The following RPL35 variants were observed in gnomAD, a reference collection of about 807,000 sequenced individuals.
RPL35 encodes the protein large ribosomal subunit protein uL29.
RPL35 carries 2 observed loss-of-function variants against 15.6 expected under a neutral mutation model. The observed-to-expected ratio is 0.13, with a 90% CI of 0.05 to 0.40. The LOEUF is 0.40. Among genes scored for constraint, RPL35 ranks in the 10% least tolerant of loss-of-function variants. The probability of loss-of-function intolerance (pLI) is 0.99; values close to 1 mark genes in which losing one functional copy is unlikely to be tolerated. For synonymous variants in RPL35, 93 were observed against 67.9 expected (o/e 1.37, Z -1.82); for missense variants, 111 against 164.7 (o/e 0.67, Z 1.79).
chr9:124,860,126 G>A (rs1189763955), intron 3 of RPL35, 57 bp downstream of exon 3: 1 of 1,298,062 alleles, frequency 7.7e-7, no homozygotes, highest in Non-Finnish European at 1.1e-6. Flanking sequence ...CCCCGGCCAG[G>A]GACGGCTAGC....
chr9:124,861,778 G>A, intron 1 of RPL35, 132 bp downstream of exon 1: 7 of 1,374,602 alleles, frequency 5.1e-6, no homozygotes, highest in Non-Finnish European at 6.8e-6. Flanking sequence ...GGGTTGTGGT[G>A]GCGCCAGACC....
chr9:124,860,056 A>T (rs1829172257), intron 3 of RPL35, 127 bp downstream of exon 3: 1 of 712,138 alleles, frequency 1.4e-6, no homozygotes, highest in Non-Finnish European at 2.5e-6. Flanking sequence ...GAGCCCAGCA[A>T]CAAATTGGGA....
chr9:124,860,846 A>AT (rs796490028), intron 2 of RPL35: 6,419 of 148,758 alleles, frequency 0.043, 316 homozygotes, highest in African/African-American at 0.11. Flanking sequence ...GGCAACCACC[A>AT]TTTTTTTTTT....
At position 124,861,473 on chromosome 9, in the gene RPL35, G is replaced by C. The variant is rs1210165323; in HGVS notation, c.86C>G (p.Ser29Cys). The C allele has an allele frequency of 6.2e-7, 1 of 1,613,844 alleles. No individual in the cohort carries two copies. The highest frequency in any genetic ancestry group is 1.3e-5 in the African/African-American group (1 of 74,924). ...TGTCACTTTGGCGACGCGCAGCTGG[G>C]ACAGCTCCACCTTCAGGTCGTCCAG... The part of the protein sequence containing the change: ...KQLDDLKVEL[S>C]QLRVAKVTGG... The change falls in exon 2 of 4, where the codon TCC becomes TGC. Residue 29 changes from serine to cysteine, a missense_variant. Coordinates refer to ENST00000348462, the MANE Select transcript of RPL35 (RefSeq NM_007209.4).
At chr9:124,860,499 C>T (rs908253525) in intron 2 of RPL35, among the ~76,000 whole-genome samples, 2 of 152,140 alleles carry the variant, frequency 1.3e-5, no homozygotes, top group Non-Finnish European at 1.5e-5. Context: ...CAGAAAAAGA[C>T]CTTCAATCCC....
chr9:124,858,685 A>C, intron 3 of RPL35: 1 of 613,204 alleles, frequency 1.6e-6, no homozygotes, highest in Non-Finnish European at 3.0e-6. Context: ...CTTGTTCTCC[A>C]GCAGGGGGTT....
rs1829204517 is a variant in RPL35 at position 124,861,894 on chromosome 9, A to T, written c.3+16T>A. 3.1e-6 allele frequency: 5 copies of T among 1,603,444 alleles called. No individual in the cohort carries two copies. Among genetic ancestry groups the T allele is most frequent in the Non-Finnish European group, 4.3e-6 (5 of 1,176,044 alleles). On this transcript the variant is annotated intron_variant, in intron 1 of 3. Transcript: ENST00000348462. ...CCTCACAGCGCTCGGATGGCGCCCG[A>T]TTCCGCAGCTCTCACCATTGCTGCA...
Position 124,860,246 on chromosome 9 carries a change from G to A in RPL35, c.159C>T (p.Ser53=). Residue 53 remains serine (S), a synonymous_variant, in exon 3 of 4, where the codon TCC becomes TCT. Transcript: ENST00000348462. ...KLSKIRVVRK[S]IARVLTVINQ... ...TAATAACTGTGAGAACACGGGCAAT[G>A]GATTTCCGGACGACTCGGCTACAAA... 1 of 1,613,990 alleles carries A rather than the reference G, an allele frequency of 6.2e-7. No individual in the cohort carries two copies. The highest frequency in any genetic ancestry group is 8.5e-7 in the Non-Finnish European group (1 of 1,179,848).
chr9:124,861,166 C>T (rs1379154794), intron 2 of RPL35: 4 of 460,104 alleles, frequency 8.7e-6, no homozygotes, highest in Non-Finnish European at 1.5e-5. Flanking sequence ...TGGTGGGAAG[C>T]GGAAGGAAGG....
chr9:124,860,814 A>C (rs1829184765), intron 2 of RPL35, among the ~76,000 whole-genome samples: 2 of 151,944 alleles, frequency 1.3e-5, no homozygotes, highest in African/African-American at 4.8e-5. Flanking sequence ...TGCCTCTACT[A>C]AGGTTGTTTG....
In RPL35 at chr9:124,860,375, T is replaced by C. The variant is rs1588037210; in HGVS notation, c.141-111A>G. On this transcript the variant is annotated intron_variant, in intron 2 of 3. Transcript: ENST00000348462. The stretch of plus-strand genomic sequence containing the variant: ...GCAGCCTCCCCCATCAACCCATCCA[T>C]ATTCACTCAGGAGGAAGGCGTTCTG... 10 of 888,624 alleles carry C rather than the reference T, an allele frequency of 1.1e-5. No homozygotes were observed. The East Asian group carries it at 2.4e-4, about 22-fold the overall frequency. The allele number at this position is 888,624 out of a possible 1,614,324, so 55.0% of individuals were successfully genotyped here. A position where few individuals can be genotyped will look rare whatever the true frequency, so the allele number is the denominator to read the frequency against.
rs1340035392 is a variant in RPL35, at chr9:124,860,245, T to C, written c.160A>G (p.Ile54Val). The C allele has an allele frequency of 4.3e-6, 7 of 1,614,078 alleles. No homozygotes were observed. Among genetic ancestry groups the C allele is most frequent in the South Asian group, 1.1e-5 (1 of 91,086 alleles). The change falls in exon 3 of 4, where the codon ATT becomes GTT. Residue 54 changes from isoleucine (I) to valine (V), a missense_variant. Transcript: ENST00000348462. ...LSKIRVVRKSIARVLTVINQT... is the reference protein window; with the variant it reads ...LSKIRVVRKSVARVLTVINQT... ...TTAATAACTGTGAGAACACGGGCAA[T>C]GGATTTCCGGACGACTCGGCTACAA...
chr9:124,861,680 C>G, intron 1 of RPL35, 125 bp from the exon 2 acceptor site: 1 of 1,434,960 alleles, frequency 7.0e-7, no homozygotes, highest in Non-Finnish European at 9.5e-7. Flanking sequence ...CCAACCAGGG[C>G]TCAGGACAGT....
At chr9:124,859,102 G>A (rs1167492951) in intron 3 of RPL35, among the ~76,000 whole-genome samples, 1 of 152,210 alleles carries the variant, frequency 6.6e-6, no homozygotes, top group African/African-American at 2.4e-5. Flanking sequence ...ACACGTAGCT[G>A]CTGACATTAA....
chr9:124,860,022 A>T (rs1182317016), intron 3 of RPL35, among the ~76,000 whole-genome samples, 161 bp downstream of exon 3: 1 of 152,224 alleles, frequency 6.6e-6, no homozygotes, highest in African/African-American at 2.4e-5. Flanking sequence ...GCCACGTGCC[A>T]GTGCAAGACA....
At position 124,861,934 on chromosome 9, in the gene RPL35, C is replaced by T. The variant is rs769173181; in HGVS notation, c.-22G>A. ...CCATTGCTGCACAAGCCGCCAACGC[C>T]GCCGCCCGCTCCGAGGGAAAGAGGA... On this transcript the variant is annotated 5_prime_UTR_variant, in exon 1 of 4. Coordinates refer to ENST00000348462, the MANE Select transcript of RPL35 (RefSeq NM_007209.4). 6.9e-5 allele frequency: 111 copies of T among 1,599,062 alleles called. No individual in the cohort carries two copies. The highest frequency in any genetic ancestry group is 8.8e-5 in the Non-Finnish European group (103 of 1,173,780).
chr9:124,860,146 C>A lies in RPL35; in HGVS notation c.222+37G>T, dbSNP rs759225290. On this transcript the variant is annotated intron_variant, in intron 3 of 3. Coordinates refer to ENST00000348462, the MANE Select transcript of RPL35 (RefSeq NM_007209.4). ...GCCAGGGACGGCTAGCACTTGGCTT[C>A]CTGCAGCCAACCCTCCCTATGTCCA... is the stretch of plus-strand genomic sequence containing the variant. The A allele has an allele frequency of 5.9e-6, 9 of 1,524,968 alleles. No individual in the cohort carries two copies. The South Asian group carries it at 1.0e-4, about 17-fold the overall frequency. The allele number at this position is 1,524,968 out of a possible 1,614,324, so 94.5% of individuals were successfully genotyped here. A position where few individuals can be genotyped will look rare whatever the true frequency, so the allele number is the denominator to read the frequency against.
At chr9:124,858,409 AGTACAGGG>A in intron 3 of RPL35, 1 of 697,890 alleles carries the variant, frequency 1.4e-6, no homozygotes, top group Non-Finnish European at 2.7e-6. Flanking sequence ...ATGACAACCT[AGTACAGGG>A]CACGCAGCAC....
chr9:124,857,932 C>A lies in RPL35; in HGVS notation c.358G>T (p.Ala120Ser). 1.9e-6 allele frequency: 3 copies of A among 1,612,242 alleles called. No homozygotes were observed. The highest frequency in any genetic ancestry group is 2.5e-6 in the Non-Finnish European group (3 of 1,180,030). ...KERLYPLRKY[A>S]VKA is the part of the protein sequence containing the mutation. ...CAATGCGCCCCTCAGGCCTTGACCGCGTACTTCCGCAGCGGGTACAGCCGC... is the reference window on the plus strand; with the variant it reads ...CAATGCGCCCCTCAGGCCTTGACCGAGTACTTCCGCAGCGGGTACAGCCGC... Residue 120 changes from alanine (A) to serine (S), a missense_variant, in exon 4 of 4, where the codon GCG becomes TCG. By Grantham distance (99) the Ala-to-Ser change is moderately conservative (BLOSUM62 1). Coordinates refer to ENST00000348462, the MANE Select transcript of RPL35 (RefSeq NM_007209.4).
Sources: allele counts gnomAD v4.1 joint callset (sites outside exome capture counted in the v4.1 genomes callset), GRCh38; gene constraint gnomAD v4.1.1; transcripts MANE v1.5; gene names NCBI Gene and HGNC (gene_info 2026-07-23, HGNC 2026-07-21).